The following CCSER1 variants were observed in gnomAD, a reference collection of about 807,000 sequenced individuals.
CCSER1 encodes the protein coiled-coil serine rich protein 1.
A neutral mutation model predicts 82.0 loss-of-function variants in CCSER1; 41 were observed. The ratio of observed to expected loss-of-function variants is 0.50; its 90% CI spans 0.39 to 0.65. The LOEUF is 0.65. Ranked by LOEUF, CCSER1 falls within the 30% of genes least tolerant of loss-of-function variation. The pLI is 0.00. For missense variants in CCSER1, 1,119 were observed against 1,064.2 expected (o/e 1.05, Z -0.72); for synonymous variants, 414 against 383.9 (o/e 1.08, Z -0.92).
intron 10 of CCSER1, among the ~76,000 whole-genome samples, chr4:91,586,274 C>T (rs73836247): frequency 0.12 from 17,543 of 151,496 alleles, 1,032 homozygotes; most frequent in Middle Eastern, 0.18. Flanking sequence ...GGTAGATACA[C>T]GAATGAAAAT....
chr4:90,566,430 A>AT (rs1779387867), intron 5 of CCSER1, among the ~76,000 whole-genome samples: 1 of 134,476 alleles, frequency 7.4e-6, no homozygotes, highest in Non-Finnish European at 1.6e-5. Context: ...TCCTCTGTAA[A>AT]TTAAAAAAAA....
intron 10 of CCSER1, among the ~76,000 whole-genome samples, chr4:91,126,119 T>C (rs1238664137): frequency 2.6e-5 from 4 of 151,774 alleles, no homozygotes; most frequent in African/African-American, 9.7e-5. Flanking sequence ...TTTTTGTATA[T>C]AAAGTTTTAA....
chr4:91,237,146 A>T (rs942003090), intron 10 of CCSER1, among the ~76,000 whole-genome samples: 1 of 152,082 alleles, frequency 6.6e-6, no homozygotes, highest in Admixed American at 6.6e-5. Context: ...TTTCATTGCA[A>T]TAAAATCAAT....
chr4:90,534,540 A>C (rs1486681736), intron 5 of CCSER1, among the ~76,000 whole-genome samples: 1 of 151,432 alleles, frequency 6.6e-6, no homozygotes, highest in Non-Finnish European at 1.5e-5. Flanking sequence ...GAGCCCCACT[A>C]TTACTTTTGG....
intron 10 of CCSER1, among the ~76,000 whole-genome samples, chr4:91,354,636 A>G (rs1408866866): frequency 6.6e-6 from 1 of 152,222 alleles, no homozygotes; most frequent in Admixed American, 6.5e-5. Flanking sequence ...TTCTTTAGCT[A>G]TGCAATACTG....
In CCSER1 at chr4:90,280,396, G is replaced by GT. The variant is rs565346239; in HGVS notation, c.-41-27841dup. Reference sequence around the variant, plus strand: ...CCTTCCCTCCCTCCTTCCATCTCCTGTTTTTTTCTTCTTCTTCTTCTTTTT... The same window carrying GT: ...CCTTCCCTCCCTCCTTCCATCTCCTGTTTTTTTTCTTCTTCTTCTTCTTTTT... On this transcript the variant is annotated intron_variant, in intron 1 of 10. Transcript: ENST00000509176. 3.4e-3 allele frequency among the ~76,000 whole-genome samples: 515 copies of GT among 149,994 alleles called. 2 individuals carry two copies. Among genetic ancestry groups the GT allele is most frequent in the African/African-American group, 0.012 (488 of 40,782 alleles).
intron 10 of CCSER1, among the ~76,000 whole-genome samples, chr4:91,482,764 A>G (rs908694260): frequency 2.0e-5 from 3 of 152,248 alleles, no homozygotes; most frequent in Non-Finnish European, 2.9e-5. Context: ...CTATGCAGCC[A>G]TAAAAAATGA....
Position 90,628,153 on chromosome 4 carries a change from C to T in CCSER1, c.1853C>T (p.Ser618Phe), listed in dbSNP as rs1279058431. The T allele has an allele frequency of 1.9e-6, 3 of 1,613,864 alleles. No homozygotes were observed. The highest frequency in any genetic ancestry group is 1.3e-5 in the African/African-American group (1 of 75,030). The change falls in exon 6 of 11, where the codon TCT becomes TTT. Residue 618 changes from serine to phenylalanine, a missense_variant. Transcript: ENST00000509176. ...GTGGAAGAAAACGGAGGCATAGATTCTCTGCCATTCAGACTGATGTTACAG... is the reference window on the plus strand; with the variant it reads ...GTGGAAGAAAACGGAGGCATAGATTTTCTGCCATTCAGACTGATGTTACAG... ...QGVEENGGID[S>F]LPFRLMLQDC...
At chr4:91,250,022 T>G (rs1740131807) in intron 10 of CCSER1, among the ~76,000 whole-genome samples, 2 of 152,166 alleles carry the variant, frequency 1.3e-5, no homozygotes, top group African/African-American at 2.4e-5. Flanking sequence ...TTTATTCATT[T>G]CCATGATTTC....
intron 9 of CCSER1, among the ~76,000 whole-genome samples, chr4:91,047,046 C>T (rs1000149444): frequency 2.0e-5 from 3 of 152,080 alleles, no homozygotes; most frequent in Admixed American, 6.6e-5. Flanking sequence ...CATTTACATC[C>T]TAATTTCCAC....
chr4:90,474,362 T>A (rs1358714275), intron 5 of CCSER1, among the ~76,000 whole-genome samples: 1 of 152,052 alleles, frequency 6.6e-6, no homozygotes, highest in African/African-American at 2.4e-5. Context: ...GTGGAGAAAT[T>A]GAAGGAAGGC....
At chr4:91,488,041 A>G (rs1758316569) in intron 10 of CCSER1, among the ~76,000 whole-genome samples, 1 of 152,146 alleles carries the variant, frequency 6.6e-6, no homozygotes, top group South Asian at 2.1e-4. Flanking sequence ...TTTTATAGAA[A>G]GCATTTGAAA....
At chr4:90,381,637 A>G (rs1749226249) in intron 3 of CCSER1, among the ~76,000 whole-genome samples, 2 of 152,132 alleles carry the variant, frequency 1.3e-5, no homozygotes, top group African/African-American at 4.8e-5. Context: ...AAAGGAAAAT[A>G]AAGAAAGAGG....
intron 4 of CCSER1, among the ~76,000 whole-genome samples, chr4:90,405,274 G>C (rs1480440058): frequency 6.6e-6 from 1 of 151,856 alleles, no homozygotes; most frequent in Non-Finnish European, 1.5e-5. Context: ...AGAGCTCAAA[G>C]ACAAGGCTTT....
intron 1 of CCSER1, among the ~76,000 whole-genome samples, chr4:90,287,581 T>A (rs1036183500): frequency 3.3e-5 from 5 of 151,918 alleles, no homozygotes; most frequent in Non-Finnish European, 5.9e-5. Flanking sequence ...ATAGTTCTGA[T>A]AAGAACATGT....
At chr4:90,408,072 C>G (rs1754024508) in intron 4 of CCSER1, among the ~76,000 whole-genome samples, 1 of 152,202 alleles carries the variant, frequency 6.6e-6, no homozygotes, top group African/African-American at 2.4e-5. Flanking sequence ...TGCAAGGCAG[C>G]AGCAAGGCTG....
chr4:91,335,098 G>C (rs908547167), intron 10 of CCSER1, among the ~76,000 whole-genome samples: 1 of 151,884 alleles, frequency 6.6e-6, no homozygotes, highest in Non-Finnish European at 1.5e-5. Flanking sequence ...TTCTGAGTGG[G>C]GATTTTTCAG....
At chr4:91,339,013 G>T (rs955501360) in intron 10 of CCSER1, among the ~76,000 whole-genome samples, 1 of 152,042 alleles carries the variant, frequency 6.6e-6, no homozygotes, top group African/African-American at 2.4e-5. Context: ...ATCATATCAA[G>T]TAATGAGTTT....
chr4:90,394,256 A>G lies in CCSER1; in HGVS notation c.1510-5780A>G, dbSNP rs544832761. ...AAAGGCATTGCTATTTTTTTACTAG[A>G]ATATAGTTATCTATAAGATATATGA... On this transcript the variant is annotated intron_variant, in intron 3 of 10. Transcript: ENST00000509176. Among the ~76,000 whole-genome samples the G allele has an allele frequency of 2.0e-5, 3 of 152,206 alleles. No homozygotes were observed. In the East Asian group the frequency reaches 5.8e-4, roughly 29 times the overall value.
Sources: allele counts gnomAD v4.1 joint callset (sites outside exome capture counted in the v4.1 genomes callset), GRCh38; gene constraint gnomAD v4.1.1; transcripts MANE v1.5; gene names NCBI Gene and HGNC (gene_info 2026-07-23, HGNC 2026-07-21).